SLC38A6: variants seen among roughly 807,000 people sequenced by gnomAD.
SLC38A6 encodes the protein solute carrier family 38 member 6, also known as N system amino acid transporter NAT-1.
Under a neutral mutation model 65.0 loss-of-function variants are expected in SLC38A6, and 73 were observed. The ratio of observed to expected loss-of-function variants is 1.12; its 90% CI spans 0.93 to 1.37. The LOEUF (loss-of-function observed/expected upper bound fraction) is 1.37, where lower values mean the gene tolerates loss of function less well. SLC38A6 is among the 40% of genes most tolerant of loss of function. SLC38A6 has a pLI of 0.00. For missense variants in SLC38A6, 561 were observed against 531.1 expected (o/e 1.06, Z -0.55); for synonymous variants, 183 against 178.8 (o/e 1.02, Z -0.19).
chr14:61,072,810 G>A lies in SLC38A6; in HGVS notation c.1291-6000G>A, dbSNP rs181256442. 1.5e-3 allele frequency among the ~76,000 whole-genome samples: 230 copies of A among 152,136 alleles called. 2 individuals are homozygous for A. Among genetic ancestry groups the A allele is most frequent in the African/African-American group, 5.3e-3 (219 of 41,504 alleles). On this transcript the variant is annotated intron_variant, in intron 15 of 16. Coordinates refer to the SLC38A6 transcript ENST00000354886. ...GACACTTAGGTTACTTCCAAATCTT[G>A]GCTATTATGAACAGTACTGCAACAA...
chr14:61,005,175 C>T (rs1218683263), intron 3 of SLC38A6, among the ~76,000 whole-genome samples: 7 of 152,120 alleles, frequency 4.6e-5, no homozygotes, highest in Non-Finnish European at 1.0e-4. Flanking sequence ...ATTGATGGGA[C>T]GTATCTCCAA....
intron 2 of SLC38A6, among the ~76,000 whole-genome samples, chr14:60,982,990 A>G (rs1486794079): frequency 1.3e-5 from 2 of 152,162 alleles, no homozygotes; most frequent in Non-Finnish European, 2.9e-5. Flanking sequence ...TGCAAATACA[A>G]CACATAATCT....
At chr14:61,011,547 T>A (rs1212360537) in intron 3 of SLC38A6, among the ~76,000 whole-genome samples, 1 of 152,212 alleles carries the variant, frequency 6.6e-6, no homozygotes, top group Non-Finnish European at 1.5e-5. Flanking sequence ...TATTTTGAGA[T>A]ACGTCCCATC....
chr14:60,995,599 C>T (rs1225089422), intron 3 of SLC38A6, among the ~76,000 whole-genome samples: 1 of 151,546 alleles, frequency 6.6e-6, no homozygotes, highest in Admixed American at 6.6e-5. Flanking sequence ...GTGCTTTTAC[C>T]ACAAGGAAGG....
chr14:61,023,634 C>CT (rs2040463251), intron 5 of SLC38A6, among the ~76,000 whole-genome samples: 2 of 149,086 alleles, frequency 1.3e-5, no homozygotes, highest in Non-Finnish European at 3.0e-5. Context: ...TGTAAAATAT[C>CT]TATTATTTTC....
At chr14:61,035,429 A>G (rs2041288806) in intron 6 of SLC38A6, among the ~76,000 whole-genome samples, 1 of 152,142 alleles carries the variant, frequency 6.6e-6, no homozygotes, top group Non-Finnish European at 1.5e-5. Flanking sequence ...ATGCTGTTCT[A>G]AATATTTTCA....
At chr14:61,036,370 A>G (rs993185966) in intron 6 of SLC38A6, among the ~76,000 whole-genome samples, 3 of 150,172 alleles carry the variant, frequency 2.0e-5, no homozygotes, top group Admixed American at 1.3e-4. Context: ...GCATGTTCTC[A>G]CTCGTAAGTG....
intron 3 of SLC38A6, among the ~76,000 whole-genome samples, chr14:60,992,764 G>A (rs775962898): frequency 2.0e-5 from 3 of 151,224 alleles, no homozygotes; most frequent in South Asian, 4.2e-4. Flanking sequence ...TAGCCAAACC[G>A]CAACCTCCGC....
intron 4 of SLC38A6, among the ~76,000 whole-genome samples, chr14:61,017,051 T>C (rs1169773079): frequency 6.6e-6 from 1 of 152,210 alleles, no homozygotes; most frequent in African/African-American, 2.4e-5. Flanking sequence ...TTTTTGTTTT[T>C]GTTTTTTCAG....
chr14:60,993,332 C>A (rs895077397), intron 3 of SLC38A6, among the ~76,000 whole-genome samples: 4 of 152,146 alleles, frequency 2.6e-5, no homozygotes, highest in African/African-American at 7.2e-5. Flanking sequence ...AGCTAATATT[C>A]GATTTAGGCA....
Position 61,052,428 on chromosome 14 carries a change from AAAAG to A in SLC38A6, c.*3_*6del. The stretch of plus-strand genomic sequence containing the variant: ...ATCATTTTTGATTGGATTAATAAAT[AAAAG>A]AAATATTTTCCTACTTCTTACAAGA... On this transcript the variant is annotated stop_retained_variant and 3_prime_UTR_variant, in exon 16 of 16. Transcript: ENST00000267488. 1 of 1,559,680 alleles carries A rather than the reference AAAAG, an allele frequency of 6.4e-7. No individual in the cohort carries two copies. The highest frequency in any genetic ancestry group is 8.6e-7 in the Non-Finnish European group (1 of 1,157,078).
Position 61,050,646 on chromosome 14 carries a change from C to A in SLC38A6, c.1050+10C>A. 1 of 1,533,536 alleles carries A rather than the reference C, an allele frequency of 6.5e-7. No individual in the cohort carries two copies. Among genetic ancestry groups the A allele is most frequent in the Non-Finnish European group, 8.8e-7 (1 of 1,130,994 alleles). 95.0% of individuals were successfully genotyped at this position (1,533,536 alleles called of 1,614,324 possible). ...TCTAATCCACTTCCCTGTAAGTACT[C>A]TTAAAGGGTTTTGTTGCCTAGTATA... On this transcript the variant is annotated intron_variant, in intron 13 of 15. Coordinates refer to ENST00000267488, the MANE Select transcript of SLC38A6 (RefSeq NM_153811.3).
intron 3 of SLC38A6, among the ~76,000 whole-genome samples, chr14:61,012,590 T>C (rs924391299): frequency 6.6e-6 from 1 of 151,694 alleles, no homozygotes; most frequent in Non-Finnish European, 1.5e-5. Context: ...TGTGTCTTTG[T>C]TCTTGTTGAT....
At chr14:61,041,760 G>A (rs2041830000) in intron 8 of SLC38A6, among the ~76,000 whole-genome samples, 1 of 152,126 alleles carries the variant, frequency 6.6e-6, no homozygotes, top group South Asian at 2.1e-4. Flanking sequence ...TTAGCTGGGT[G>A]TGATGGCCAC....
intron 3 of SLC38A6, among the ~76,000 whole-genome samples, chr14:60,994,098 T>G (rs1288401448): frequency 6.6e-6 from 1 of 152,220 alleles, no homozygotes; most frequent in East Asian, 1.9e-4. Flanking sequence ...TTTACCCAAA[T>G]GAGTTCAAGA....
chr14:61,066,630 G>A (rs542680127), intron 15 of SLC38A6, among the ~76,000 whole-genome samples: 2 of 152,344 alleles, frequency 1.3e-5, no homozygotes, highest in Middle Eastern at 6.8e-3. Context: ...CATCCCTTGG[G>A]GGATTGGTTC....
chr14:61,014,654 G>A (rs141669716), intron 3 of SLC38A6, among the ~76,000 whole-genome samples: 3,083 of 152,320 alleles, frequency 0.02, 109 homozygotes, highest in African/African-American at 0.071. Flanking sequence ...GTCCACTCCA[G>A]ACCCTTTTTG....
chr14:61,061,115 G>A (rs1380180236), intron 15 of SLC38A6, among the ~76,000 whole-genome samples: 1 of 152,106 alleles, frequency 6.6e-6, no homozygotes, highest in Non-Finnish European at 1.5e-5. Flanking sequence ...GTAGACCGGA[G>A]CTGTTCCTAT....
intron 3 of SLC38A6, among the ~76,000 whole-genome samples, chr14:61,006,546 T>G (rs1360440514): frequency 2.6e-5 from 4 of 152,154 alleles, no homozygotes; most frequent in Non-Finnish European, 5.9e-5. Flanking sequence ...AAAGAAGACA[T>G]TTATGCAGCC....
Sources: gnomAD v4.1 joint callset for allele counts (sites outside exome capture counted in the v4.1 genomes callset) on GRCh38, gnomAD v4.1.1 for gene constraint, MANE v1.5 for transcripts, NCBI Gene and HGNC (gene_info 2026-07-23, HGNC 2026-07-21) for gene names.